The following ERBB4 variants were observed in gnomAD, a reference collection of about 807,000 sequenced individuals.
The protein encoded by ERBB4 is erb-b2 receptor tyrosine kinase 4, also known as receptor tyrosine-protein kinase erbB-4.
In ERBB4, 42 loss-of-function variants were observed where a neutral mutation model predicts 158.0. The ratio of observed to expected loss-of-function variants is 0.27; its 90% CI spans 0.21 to 0.34. The LOEUF is 0.34. ERBB4 is among the 10% of genes least tolerant of loss of function. The pLI, the probability that ERBB4 is intolerant of heterozygous loss-of-function variation, is 1.00. For synonymous variants in ERBB4, 583 were observed against 558.7 expected (o/e 1.04, Z -0.61); for missense variants, 1,333 against 1,624.1 (o/e 0.82, Z 3.08).
chr2:212,170,486 T>C (rs2081482460), intron 1 of ERBB4, among the ~76,000 whole-genome samples: 1 of 152,180 alleles, frequency 6.6e-6, no homozygotes, highest in Non-Finnish European at 1.5e-5. Context: ...AGGAGCCAAA[T>C]GTCAATGGCC....
At chr2:212,069,677 T>C (rs188439306) in intron 2 of ERBB4, among the ~76,000 whole-genome samples, 23 of 152,120 alleles carry the variant, frequency 1.5e-4, no homozygotes, top group Non-Finnish European at 1.5e-4. Context: ...TTTTACGAAA[T>C]ACACAAAAAA....
chr2:211,702,066 T>C lies in ERBB4; in HGVS notation c.1390A>G (p.Ser464Gly). The C allele has an allele frequency of 1.9e-6, 3 of 1,613,796 alleles. No homozygotes were observed. The highest frequency in any genetic ancestry group is 2.5e-6 in the Non-Finnish European group (3 of 1,179,672). ...ATGGTATGATAATAACACAGGTTGC[T>C]GTTGTCAGTAATATAGATGTTTCCT... ...SAGNIYITDN[S>G]NLCYYHTINW... The change falls in exon 12 of 28, where the codon AGC becomes GGC. Residue 464 changes from serine to glycine, a missense_variant. By Grantham distance (56) the Ser-to-Gly change is moderately conservative (BLOSUM62 0). Around this residue, in one of 5 missense-constraint regions of ERBB4, gnomAD observed 438 missense variants for 586.9 expected, o/e 0.75. Transcript: ENST00000342788.
chr2:211,639,293 C>T (rs1051880218), intron 16 of ERBB4, among the ~76,000 whole-genome samples: 31 of 152,192 alleles, frequency 2.0e-4, no homozygotes, highest in Admixed American at 2.6e-4. Flanking sequence ...ATCACTATGT[C>T]CTATTACTTA....
intron 5 of ERBB4, among the ~76,000 whole-genome samples, chr2:211,746,599 C>T (rs1465483477): frequency 6.6e-6 from 1 of 152,004 alleles, no homozygotes; most frequent in Non-Finnish European, 1.5e-5. Flanking sequence ...GAGGCCGAGG[C>T]GAGTGGATCA....
intron 19 of ERBB4, among the ~76,000 whole-genome samples, chr2:211,594,299 C>T (rs910418645): frequency 2.0e-5 from 3 of 151,908 alleles, no homozygotes; most frequent in Admixed American, 1.3e-4. Context: ...ATTAGCCGGG[C>T]GTGGAAGCGT....
chr2:211,975,656 T>C (rs2081585788), intron 2 of ERBB4, among the ~76,000 whole-genome samples: 1 of 152,212 alleles, frequency 6.6e-6, no homozygotes, highest in African/African-American at 2.4e-5. Flanking sequence ...TCTTTGGCAA[T>C]TTATCAATAT....
chr2:211,859,159 A>G (rs2077951211), intron 3 of ERBB4, among the ~76,000 whole-genome samples: 1 of 152,218 alleles, frequency 6.6e-6, no homozygotes, highest in South Asian at 2.1e-4. Context: ...ACTAAAATTA[A>G]TTCAATTTTA....
chr2:211,666,197 T>C (rs2071622567), intron 14 of ERBB4, among the ~76,000 whole-genome samples: 1 of 152,252 alleles, frequency 6.6e-6, no homozygotes. Context: ...TGTCTATTTA[T>C]AGGGATTTTA....
chr2:212,038,549 A>G (rs1029508995), intron 2 of ERBB4, among the ~76,000 whole-genome samples: 1 of 152,008 alleles, frequency 6.6e-6, no homozygotes, highest in African/African-American at 2.4e-5. Context: ...TTTCTTTTGT[A>G]CTTTGTGTGT....
intron 4 of ERBB4, among the ~76,000 whole-genome samples, chr2:211,769,627 G>A (rs1212916909): frequency 6.6e-6 from 1 of 152,170 alleles, no homozygotes; most frequent in Non-Finnish European, 1.5e-5. Flanking sequence ...AACCTCAAAA[G>A]TAGGGAAGCC....
At chr2:211,619,306 A>AC (rs1347266110) in intron 18 of ERBB4, 31 bp from the exon 19 acceptor site, 1 of 1,204,256 alleles carries the variant, frequency 8.3e-7, no homozygotes, top group African/African-American at 1.5e-5. Flanking sequence ...ATTAAATATG[A>AC]CATCTCAACC....
chr2:211,953,713 A>G (rs2080944887), intron 2 of ERBB4, among the ~76,000 whole-genome samples: 1 of 152,044 alleles, frequency 6.6e-6, no homozygotes, highest in South Asian at 2.1e-4. Flanking sequence ...ATACAATCGG[A>G]TATTATTAAA....
At chr2:211,693,759 A>G (rs2072908359) in intron 12 of ERBB4, among the ~76,000 whole-genome samples, 1 of 152,190 alleles carries the variant, frequency 6.6e-6, no homozygotes, top group Admixed American at 6.6e-5. Flanking sequence ...TTCTTAAAAC[A>G]ACAGAAATTT....
chr2:211,884,909 T>C (rs1016517711), intron 3 of ERBB4, among the ~76,000 whole-genome samples: 1 of 152,168 alleles, frequency 6.6e-6, no homozygotes, highest in African/African-American at 2.4e-5. Context: ...GAGTCAACAA[T>C]AGTATTACTC....
rs542551065 is a variant in ERBB4 at position 212,332,586 on chromosome 2, T to C, written c.82+205863A>G. On this transcript the variant is annotated intron_variant, in intron 1 of 27. Coordinates refer to ENST00000342788, the MANE Select transcript of ERBB4 (RefSeq NM_005235.3). ...ATCTATAATTAATTAATATAAGTAA[T>C]GCTGTCATTATTATTTTATTATTCT... Among the ~76,000 whole-genome samples, 29 of 152,180 alleles carry C rather than the reference T, an allele frequency of 1.9e-4. 2 individuals are homozygous for C. Among genetic ancestry groups the C allele is most frequent in the African/African-American group, 6.5e-4 (27 of 41,558 alleles).
intron 20 of ERBB4, among the ~76,000 whole-genome samples, chr2:211,460,051 T>C (rs2064488948): frequency 6.6e-6 from 1 of 152,128 alleles, no homozygotes; most frequent in South Asian, 2.1e-4. Context: ...TCCTTTAGTT[T>C]CTGAAATCTC....
rs1559321012 is a variant in ERBB4, at chr2:212,015,091, TATATATATATATATATATATA to T, written c.235-67496_235-67476del. Among the ~76,000 whole-genome samples, 7 of 55,732 alleles carry T rather than the reference TATATATATATATATATATATA, an allele frequency of 1.3e-4. 2 individuals are homozygous for T. The highest frequency in any genetic ancestry group is 7.8e-4 in the South Asian group (1 of 1,280). The allele number at this position is 55,732 out of a possible 152,430, so 36.6% of individuals were successfully genotyped here. A position where few individuals can be genotyped will look rare whatever the true frequency, so the allele number is the denominator to read the frequency against. On this transcript the variant is annotated intron_variant, in intron 2 of 27. Transcript: ENST00000342788. ...ATATATATATATATATATATATATA[TATATATATATATATATATATA>T]AAAATTAGCCGGGCATGGTGGCGGG...
intron 1 of ERBB4, among the ~76,000 whole-genome samples, chr2:212,493,273 G>C (rs1202815632): frequency 6.6e-6 from 1 of 151,264 alleles, no homozygotes; most frequent in Non-Finnish European, 1.5e-5. Flanking sequence ...ATTTTCCATA[G>C]TAACTTCCAC....
chr2:212,319,031 T>C (rs1337517437), intron 1 of ERBB4, among the ~76,000 whole-genome samples: 2 of 151,534 alleles, frequency 1.3e-5, no homozygotes, highest in Non-Finnish European at 3.0e-5. Context: ...TGATCCCAGC[T>C]ATGACATCAC....
Sources: allele counts gnomAD v4.1 joint callset (sites outside exome capture counted in the v4.1 genomes callset), GRCh38; gene constraint gnomAD v4.1.1; regional missense constraint gnomAD v4.1.1; transcripts MANE v1.5; gene names NCBI Gene and HGNC (gene_info 2026-07-23, HGNC 2026-07-21).